MATN1: variants seen among roughly 807,000 people sequenced by gnomAD.
MATN1 encodes matrilin-1.
A neutral mutation model predicts 41.3 loss-of-function variants in MATN1; 34 were observed. That is an observed-to-expected ratio of 0.82 (90% CI 0.63 to 1.10). The LOEUF (loss-of-function observed/expected upper bound fraction) is 1.10, where lower values mean the gene tolerates loss of function less well. Among genes scored for constraint, MATN1 ranks in the 50% least tolerant of loss-of-function variants. MATN1 has a pLI of 0.00. For synonymous variants in MATN1, 264 were observed against 278.7 expected, an observed-to-expected ratio of 0.95 and a Z score of 0.53; for missense variants, 602 against 662.4, an observed-to-expected ratio of 0.91 and a Z score of 1.00.
At chr1:30,714,221 C>A in intron 7 of MATN1, 26 bp downstream of exon 7, 1 of 1,564,554 alleles carries the variant, frequency 6.4e-7, no homozygotes, top group Non-Finnish European at 8.7e-7. Context: ...CCCTCCCCAG[C>A]CCCAGCCCCC....
intron 1 of MATN1, among the ~76,000 whole-genome samples, chr1:30,723,174 C>T (rs557315352): frequency 1.1e-4 from 16 of 152,296 alleles, no homozygotes; most frequent in African/African-American, 3.4e-4. Context: ...CAGCTCCAGA[C>T]GTCAGCCAGC....
chr1:30,715,375 T>A, intron 5 of MATN1, 66 bp from the exon 6 acceptor site: 1 of 1,558,990 alleles, frequency 6.4e-7, no homozygotes, highest in Non-Finnish European at 8.8e-7. Context: ...CTGAGCCTCC[T>A]GGGGAAGGCT....
intron 7 of MATN1, chr1:30,714,024 T>C: frequency 3.4e-6 from 2 of 594,568 alleles, no homozygotes; most frequent in South Asian, 4.1e-5. Context: ...AGTCCCTAGA[T>C]CCTGGCTTCT....
At position 30,718,773 on chromosome 1, in the gene MATN1, A is replaced by G. The variant is rs775020233; in HGVS notation, c.626T>C (p.Ile209Thr). 5 of 1,602,438 alleles carry G rather than the reference A, an allele frequency of 3.1e-6. No homozygotes were observed. The highest frequency in any genetic ancestry group is 4.3e-6 in the Non-Finnish European group (5 of 1,173,744). The change falls in exon 3 of 8, where the codon ATC (isoleucine) becomes ACC (threonine). Residue 209 changes from isoleucine (I) to threonine (T), a missense_variant. Physicochemically the swap from Ile to Thr is moderately conservative, Grantham distance 89 (BLOSUM62 -1). Coordinates refer to ENST00000373765, the MANE Select transcript of MATN1 (RefSeq NM_002379.3). ...CTGGAACTTCCTGGACAGCTTCTCGATGACGCTGTAGCTCTCCACGTAATC... is the reference window on the plus strand; with the variant it reads ...CTGGAACTTCCTGGACAGCTTCTCGGTGACGCTGTAGCTCTCCACGTAATC... The part of the protein sequence containing the change: ...HVDYVESYSV[I>T]EKLSRKFQEA...
Position 30,713,352 on chromosome 1 carries a change from C to T in MATN1, c.*230G>A, listed in dbSNP as rs562939186. 1.9e-5 allele frequency: 11 copies of T among 576,110 alleles called. No individual in the cohort carries two copies. In the South Asian group the frequency reaches 2.3e-4, roughly 12 times the overall value. The allele number at this position is 576,110 out of a possible 1,614,324, so 35.7% of individuals were successfully genotyped here. A position where few individuals can be genotyped will look rare whatever the true frequency, so the allele number is the denominator to read the frequency against. The stretch of plus-strand genomic sequence containing the variant: ...CTCTCACACTCACATTCTGGCAAGA[C>T]TCATGCCCACCCTCAGGCGCACGTG... On this transcript the variant is annotated 3_prime_UTR_variant, in exon 8 of 8. Coordinates refer to ENST00000373765, the MANE Select transcript of MATN1 (RefSeq NM_002379.3).
Position 30,716,296 on chromosome 1 carries a change from T to C in MATN1, c.820A>G (p.Thr274Ala). 1 of 1,613,948 alleles carries C rather than the reference T, an allele frequency of 6.2e-7. No individual in the cohort carries two copies. The highest frequency in any genetic ancestry group is 8.5e-7 in the Non-Finnish European group (1 of 1,179,906). ...CCGTCAATGAGGAAGACCAGGTCAG[T>C]GGCCGAGCTGCCACCACCACCACTG... ...VCSGGGGSSA[T>A]DLVFLIDGSK... Residue 274 changes from threonine to alanine, a missense_variant, in exon 5 of 8, where the codon ACT becomes GCT. Physicochemically the swap from Thr to Ala is moderately conservative, Grantham distance 58. Coordinates refer to ENST00000373765, the MANE Select transcript of MATN1 (RefSeq NM_002379.3).
chr1:30,717,626 G>GT (rs1274443535), intron 3 of MATN1, among the ~76,000 whole-genome samples: 10 of 132,450 alleles, frequency 7.6e-5, no homozygotes, highest in South Asian at 2.3e-4. Flanking sequence ...GGGCTCTGTT[G>GT]TTTTTTGTGT....
chr1:30,718,120 T>G (rs1470469529), intron 3 of MATN1, among the ~76,000 whole-genome samples: 1 of 152,018 alleles, frequency 6.6e-6, no homozygotes, highest in Non-Finnish European at 1.5e-5. Context: ...TCCCTAGCCC[T>G]GGCCCCGCCC....
rs1557447764 is a variant in MATN1, at chr1:30,711,583, C to A, written c.*1999G>T. 6.6e-6 allele frequency: 1 copy of A among 152,258 alleles called. No individual in the cohort carries two copies. Among genetic ancestry groups the A allele is most frequent in the Non-Finnish European group, 1.5e-5 (1 of 68,070 alleles). The allele number at this position is 152,258 out of a possible 1,614,324, so 9.4% of individuals were successfully genotyped here. On this transcript the variant is annotated 3_prime_UTR_variant, in exon 8 of 8. Coordinates refer to ENST00000373765, the MANE Select transcript of MATN1 (RefSeq NM_002379.3). Reference sequence around the variant, plus strand: ...GCCTGGTGACAAGGTCCTGCCACTACTCCACCCACCGGGCAGGGAAGAACG... The same window carrying A: ...GCCTGGTGACAAGGTCCTGCCACTAATCCACCCACCGGGCAGGGAAGAACG...
At position 30,716,828 on chromosome 1, in the gene MATN1, T is replaced by A. The variant is rs961102020; in HGVS notation, c.752A>T (p.Glu251Val). 3.4e-5 allele frequency: 55 copies of A among 1,613,890 alleles called. No homozygotes were observed. The highest frequency in any genetic ancestry group is 4.7e-5 in the Non-Finnish European group (55 of 1,179,990). ...SPGSYTCACH[E>V]GFTLNSDGKT... ...GCCGTCGCTGTTCAGAGTGAAGCCC[T>A]CGTGGCAGGCGCAGGTGTAGGAACC... is the stretch of plus-strand genomic sequence containing the variant. Residue 251 changes from glutamate to valine, a missense_variant, in exon 4 of 8, where the codon GAG becomes GTG. Glu to Val is a moderately radical substitution (Grantham distance 121). Transcript: ENST00000373765.
intron 3 of MATN1, among the ~76,000 whole-genome samples, chr1:30,717,503 A>T (rs1022057483): frequency 1.3e-5 from 2 of 151,898 alleles, no homozygotes; most frequent in African/African-American, 4.8e-5. Context: ...CGCATCACAG[A>T]AAACTCTGGC....
chr1:30,716,974 A>G, intron 3 of MATN1, 59 bp from the exon 4 acceptor site: 1 of 1,531,160 alleles, frequency 6.5e-7, no homozygotes, highest in Non-Finnish European at 8.8e-7. Flanking sequence ...CACTACAGAC[A>G]GGTTGTCCCT....
At position 30,716,911 on chromosome 1, in the gene MATN1, C is replaced by A; in HGVS notation, c.669G>T (p.Val223=). 1 of 1,612,682 alleles carries A rather than the reference C, an allele frequency of 6.2e-7. No homozygotes were observed. Among genetic ancestry groups the A allele is most frequent in the Non-Finnish European group, 8.5e-7 (1 of 1,179,398 alleles). ...GGTCCCCTGTGGCGCACAGGTCTGA[C>A]ACCACTGCGGGGACAATAAGTAGCT... ...SRKFQEAFCV[V]SDLCATGDHD... is the part of the protein sequence containing the mutation. The change falls in exon 4 of 8, where the codon GTG becomes GTT. Residue 223 remains valine (V), a synonymous_variant. Transcript: ENST00000373765.
intron 1 of MATN1, among the ~76,000 whole-genome samples, chr1:30,722,238 G>T (rs536542945): frequency 5.8e-4 from 89 of 152,404 alleles, no homozygotes; most frequent in African/African-American, 2.1e-3. Flanking sequence ...ATGGGCACAG[G>T]CTTGAGAGCC....
chr1:30,715,641 C>A (rs1639607122), intron 5 of MATN1, among the ~76,000 whole-genome samples: 1 of 152,120 alleles, frequency 6.6e-6, no homozygotes, highest in Non-Finnish European at 1.5e-5. Flanking sequence ...AGTTGCCTTC[C>A]AATAGTTGAT....
At chr1:30,715,341 A>C in intron 5 of MATN1, 32 bp from the exon 6 acceptor site, 1 of 1,610,950 alleles carries the variant, frequency 6.2e-7, no homozygotes, top group Non-Finnish European at 8.5e-7. Flanking sequence ...GTAAGGCTGG[A>C]CATGGGGATG....
In MATN1 at chr1:30,714,300, A is replaced by C; in HGVS notation, c.1388T>G (p.Leu463Arg). Residue 463 changes from leucine to arginine, a missense_variant, in exon 7 of 8, where the codon CTG (leucine) becomes CGG (arginine). Transcript: ENST00000373765. ...VEEDPCACES[L>R]VKFQAKVEGL... ...CTCCACTTTGGCTTGGAATTTCACC[A>C]GGGACTCGCAGGCACACGGGTCTTC... The C allele has an allele frequency of 6.2e-7, 1 of 1,610,820 alleles. No individual in the cohort carries two copies. The highest frequency in any genetic ancestry group is 8.5e-7 in the Non-Finnish European group (1 of 1,178,618).
At position 30,718,736 on chromosome 1, in the gene MATN1, G is replaced by T; in HGVS notation, c.663C>A (p.Cys221Ter). 1.9e-6 allele frequency: 3 copies of T among 1,565,008 alleles called. No individual in the cohort carries two copies. The highest frequency in any genetic ancestry group is 2.8e-5 in the African/African-American group (2 of 72,386). Residue 221 changes from cysteine to a stop codon, truncating the protein, a stop_gained and splice_region_variant, in exon 3 of 8, where the codon TGC becomes TGA. Coordinates refer to ENST00000373765, the MANE Select transcript of MATN1 (RefSeq NM_002379.3). LOFTEE classifies it high-confidence loss of function. ...KLSRKFQEAF[C>*]VVSDLCATGD... ...CTCCGCCCCCGCCTGCCCGCGCACC[G>T]CAGAAGGCCTCCTGGAACTTCCTGG... is the stretch of plus-strand genomic sequence containing the variant.
chr1:30,721,560 G>T lies in MATN1; in HGVS notation c.286C>A (p.Arg96=), dbSNP rs759591542. 5 of 1,613,328 alleles carry T rather than the reference G, an allele frequency of 3.1e-6. No individual in the cohort carries two copies. In the South Asian group the frequency reaches 4.4e-5, roughly 14 times the overall value. The change falls in exon 2 of 8, where the codon CGG becomes AGG. Residue 96 remains arginine (R), a synonymous_variant. Coordinates refer to ENST00000373765, the MANE Select transcript of MATN1 (RefSeq NM_002379.3). ...ASTVKQEFSL[R]AHVSKAALLQ... is the part of the protein sequence containing the mutation. ...AGTGCGGCCTTGGAGACATGAGCCC[G>T]CAGCGAGAACTCCTGCTTCACGGTG...
Sources: gnomAD v4.1 joint callset for allele counts (sites outside exome capture counted in the v4.1 genomes callset) on GRCh38, gnomAD v4.1.1 for gene constraint, MANE v1.5 for transcripts, NCBI Gene and HGNC (gene_info 2026-07-23, HGNC 2026-07-21) for gene names.